Variants in SPPL2B observed in about 807,000 individuals in gnomAD.
The protein encoded by SPPL2B is signal peptide peptidase-like 2B.
A neutral mutation model predicts 59.7 loss-of-function variants in SPPL2B; 39 were observed. The ratio of observed to expected loss-of-function variants is 0.65; its 90% CI spans 0.51 to 0.85. SPPL2B has a LOEUF of 0.85. Ranked by LOEUF, SPPL2B falls within the 40% of genes least tolerant of loss-of-function variation. The pLI, the probability that SPPL2B is intolerant of heterozygous loss-of-function variation, is 0.00. For missense variants in SPPL2B, 865 were observed against 849.0 expected, an observed-to-expected ratio of 1.02 and a Z score of -0.23; for synonymous variants, 419 against 370.8, an observed-to-expected ratio of 1.13 and a Z score of -1.49.
chr19:2,335,086 C>T (rs943474766), intron 2 of SPPL2B, among the ~76,000 whole-genome samples: 18 of 152,150 alleles, frequency 1.2e-4, no homozygotes, highest in African/African-American at 1.9e-4. Context: ...TTCCTTTCAC[C>T]GTCTTCCTGA....
At position 2,339,100 on chromosome 19, in the gene SPPL2B, A is replaced by G; in HGVS notation, c.491A>G (p.Tyr164Cys). 6.4e-7 allele frequency: 1 copy of G among 1,571,624 alleles called. No homozygotes were observed. The highest frequency in any genetic ancestry group is 8.6e-7 in the Non-Finnish European group (1 of 1,158,702). Residue 164 changes from tyrosine to cysteine, a missense_variant, in exon 5 of 15, where the codon TAT (tyrosine) becomes TGT (cysteine). Transcript: ENST00000613503. ...RFGRTVRAALYAPKEPVLDYN... is the reference protein window; with the variant it reads ...RFGRTVRAALCAPKEPVLDYN... ...GGCCGCACGGTGAGGGCGGCGCTGT[A>G]TGCGCCTAAGGAGCCGGTGCTGGAC...
intron 8 of SPPL2B, chr19:2,341,303 G>A (rs147464402): frequency 0.019 from 11,622 of 606,866 alleles, 574 homozygotes; most frequent in Admixed American, 0.12. Context: ...TCCTTTGTGG[G>A]GCATCGCTGC....
chr19:2,333,917 G>A (rs1446651134), intron 1 of SPPL2B, among the ~76,000 whole-genome samples: 1 of 152,238 alleles, frequency 6.6e-6, no homozygotes, highest in Non-Finnish European at 1.5e-5. Flanking sequence ...TGTCCTGCTG[G>A]TGGCAGCGTG....
In SPPL2B at chr19:2,353,017, G is replaced by T; in HGVS notation, c.1587G>T (p.Thr529=). Residue 529 remains threonine (T), a synonymous_variant, in exon 15 of 15, where the codon ACG becomes ACT. Coordinates refer to ENST00000613503, the MANE Select transcript of SPPL2B (RefSeq NM_152988.3). The part of the protein sequence containing the change: ...DGPQPPKDSA[T]PLSPQPPSEE... ...CGCAGCCTCCCAAAGACTCTGCCAC[G>T]CCACTCTCCCCGCAGCCGCCCAGCG... 1 of 1,612,034 alleles carries T rather than the reference G, an allele frequency of 6.2e-7. No homozygotes were observed. The highest frequency in any genetic ancestry group is 8.5e-7 in the Non-Finnish European group (1 of 1,179,662).
rs749544966 is a variant in SPPL2B at position 2,334,663 on chromosome 19, A to T, written c.128A>T (p.Asp43Val). ...VSQAGGPEGK[D>V]YCILYNPQWA... ...CAGGCCGGGGGCCCCGAAGGCAAAG[A>T]CTACTGCATCCTCTACAACCCGCAG... is the stretch of plus-strand genomic sequence containing the variant. Residue 43 changes from aspartate to valine, a missense_variant, in exon 2 of 15, where the codon GAC becomes GTC. Transcript: ENST00000613503. 6.2e-7 allele frequency: 1 copy of T among 1,613,100 alleles called. No individual in the cohort carries two copies. Among genetic ancestry groups the T allele is most frequent in the South Asian group, 1.1e-5 (1 of 90,948 alleles).
At chr19:2,336,126 G>A (rs577983028) in intron 2 of SPPL2B, among the ~76,000 whole-genome samples, 23 of 152,338 alleles carry the variant, frequency 1.5e-4, no homozygotes, top group Non-Finnish European at 2.4e-4. Context: ...GCCTTAGTGC[G>A]TGTTTGTGTG....
At chr19:2,330,989 G>T (rs1968258362) in intron 1 of SPPL2B, among the ~76,000 whole-genome samples, 1 of 152,206 alleles carries the variant, frequency 6.6e-6, no homozygotes, top group African/African-American at 2.4e-5. Context: ...GAGTCCGATT[G>T]CCCAAGAATG....
At chr19:2,337,319 C>T (rs957896336) in intron 2 of SPPL2B, 124 bp from the exon 3 acceptor site, 8 of 929,288 alleles carry the variant, frequency 8.6e-6, no homozygotes, top group South Asian at 3.5e-5. Flanking sequence ...GGGCCGAGGC[C>T]GTGCGGGGCT....
Position 2,352,986 on chromosome 19 carries a change from A to G in SPPL2B, c.1556A>G (p.Asp519Gly), listed in dbSNP as rs1231255254. The G allele has an allele frequency of 6.2e-7, 1 of 1,611,926 alleles. No individual in the cohort carries two copies. Among genetic ancestry groups the G allele is most frequent in the Non-Finnish European group, 8.5e-7 (1 of 1,179,642 alleles). ...PPSPWAPAPA[D>G]GPQPPKDSAT... ...TCTCCGTGGGCCCCAGCACCAGCCG[A>G]CGGCCCGCAGCCTCCCAAAGACTCT... Residue 519 changes from aspartate to glycine, a missense_variant, in exon 15 of 15, where the codon GAC becomes GGC. By Grantham distance (94) the Asp-to-Gly change is moderately conservative. Transcript: ENST00000613503.
intron 12 of SPPL2B, 36 bp downstream of exon 12, chr19:2,344,688 T>C: frequency 7.2e-7 from 1 of 1,395,114 alleles, no homozygotes; most frequent in South Asian, 1.2e-5. Flanking sequence ...GTCCACGCTG[T>C]GGGGCAGGGC....
chr19:2,340,513 T>A (rs1424083311), intron 7 of SPPL2B: 1 of 593,068 alleles, frequency 1.7e-6, no homozygotes, highest in Non-Finnish European at 3.1e-6. Context: ...CTCTTAGGGG[T>A]AAAGGGAGCT....
rs1968445935 is a variant in SPPL2B, at chr19:2,334,457, C to T, written c.67-145C>T. On this transcript the variant is annotated intron_variant, in intron 1 of 14. Coordinates refer to ENST00000613503, the MANE Select transcript of SPPL2B (RefSeq NM_152988.3). ...ATGGTCACGTCCCTGTCTGTCCTGT[C>T]GAGAGGGGGAAGCATCCCAGACCAC... is the stretch of plus-strand genomic sequence containing the variant. The T allele has an allele frequency of 2.0e-5, 22 of 1,101,520 alleles. 1 individual carries two copies. The highest frequency in any genetic ancestry group is 6.4e-5 in the South Asian group (4 of 62,716). 68.2% of individuals were successfully genotyped at this position (1,101,520 alleles called of 1,614,324 possible). A position where few individuals can be genotyped will look rare whatever the true frequency, so the allele number is the denominator to read the frequency against.
Position 2,337,153 on chromosome 19 carries a change from G to A in SPPL2B, c.187-290G>A, listed in dbSNP as rs531246085. 58 of 324,146 alleles carry A rather than the reference G, an allele frequency of 1.8e-4. No homozygotes were observed. In the South Asian group the frequency reaches 4.3e-3, roughly 24 times the overall value. 20.1% of individuals were successfully genotyped at this position (324,146 alleles called of 1,614,324 possible). On this transcript the variant is annotated intron_variant, in intron 2 of 14. Coordinates refer to ENST00000613503, the MANE Select transcript of SPPL2B (RefSeq NM_152988.3). ...GTGGGGCTGCGGTGGGGACCCACTT[G>A]GTCTTGCTGAGTGATCTGTGACGGC...
Position 2,353,482 on chromosome 19 carries a change from G to C in SPPL2B, c.*273G>C, listed in dbSNP as rs1024433209. 2.0e-6 allele frequency: 1 copy of C among 500,774 alleles called. No homozygotes were observed. The highest frequency in any genetic ancestry group is 3.5e-6 in the Non-Finnish European group (1 of 283,738). 31.0% of individuals were successfully genotyped at this position (500,774 alleles called of 1,614,324 possible). A position where few individuals can be genotyped will look rare whatever the true frequency, so the allele number is the denominator to read the frequency against. ...ATCCTCCCCACCGGGGTCCGTCCTC[G>C]CAGGCCCTGCCCGGCCTCTCTGCAG... is the stretch of plus-strand genomic sequence containing the variant. On this transcript the variant is annotated 3_prime_UTR_variant, in exon 15 of 15. Coordinates refer to ENST00000613503, the MANE Select transcript of SPPL2B (RefSeq NM_152988.3).
rs1257818524 is a variant in SPPL2B, at chr19:2,334,666, A to C, written c.131A>C (p.Tyr44Ser). The change falls in exon 2 of 15, where the codon TAC (tyrosine) becomes TCC (serine). Residue 44 changes from tyrosine (Y) to serine (S), a missense_variant. Coordinates refer to ENST00000613503, the MANE Select transcript of SPPL2B (RefSeq NM_152988.3). ...SQAGGPEGKD[Y>S]CILYNPQWAH... ...GCCGGGGGCCCCGAAGGCAAAGACTACTGCATCCTCTACAACCCGCAGTGG... is the reference window on the plus strand; with the variant it reads ...GCCGGGGGCCCCGAAGGCAAAGACTCCTGCATCCTCTACAACCCGCAGTGG... 1 of 1,613,052 alleles carries C rather than the reference A, an allele frequency of 6.2e-7. No homozygotes were observed. Among genetic ancestry groups the C allele is most frequent in the African/African-American group, 1.3e-5 (1 of 75,022 alleles).
intron 1 of SPPL2B, 115 bp from the exon 2 acceptor site, chr19:2,334,487 T>G (rs997217722): frequency 7.1e-7 from 1 of 1,402,872 alleles, no homozygotes; most frequent in African/African-American, 1.4e-5. Context: ...GACCACCTGG[T>G]GAACATGGGC....
At position 2,332,024 on chromosome 19, in the gene SPPL2B, G is replaced by A. The variant is rs988442563; in HGVS notation, c.67-2578G>A. ...GGGCACCCTCCGGGCTCGGCACCGG[G>A]GCCAGACTAAGGGGTGCTCTCACGG... On this transcript the variant is annotated intron_variant, in intron 1 of 14. Transcript: ENST00000613503. The surrounding 1 kb of genome is among the most constrained non-coding windows in gnomAD (Gnocchi z 4.6). Among the ~76,000 whole-genome samples the A allele has an allele frequency of 6.6e-6, 1 of 152,272 alleles. No homozygotes were observed. The highest frequency in any genetic ancestry group is 1.5e-5 in the Non-Finnish European group (1 of 68,052).
At chr19:2,334,867 A>C (rs12610690) in intron 2 of SPPL2B, 146 bp downstream of exon 2, 123,159 of 1,108,214 alleles carry the variant, frequency 0.11, 7,454 homozygotes, top group Middle Eastern at 0.17. Flanking sequence ...GCTGGCCCCC[A>C]GTTCCCCTGG....
rs111785886 is a variant in SPPL2B at position 2,353,277 on chromosome 19, GAGAC to G, written c.*81_*84del. 0.015 allele frequency: 22,629 copies of G among 1,514,278 alleles called. 365 individuals are homozygous for G. Among genetic ancestry groups the G allele is most frequent in the African/African-American group, 0.078 (5,609 of 71,942 alleles). 93.8% of individuals were successfully genotyped at this position (1,514,278 alleles called of 1,614,324 possible). On this transcript the variant is annotated 3_prime_UTR_variant, in exon 15 of 15. Transcript: ENST00000613503. Reference sequence around the variant, plus strand: ...TGTTGGGGCTGCCTGGCGCCCACTGGAGACAGACAGACAGACGCCTGTCCCCCGG... The same window carrying G: ...TGTTGGGGCTGCCTGGCGCCCACTGGAGACAGACAGACGCCTGTCCCCCGG...
Sources: allele counts gnomAD v4.1 joint callset (sites outside exome capture counted in the v4.1 genomes callset), GRCh38; gene constraint gnomAD v4.1.1; non-coding constraint Gnocchi (gnomAD v3.1); transcripts MANE v1.5; gene names NCBI Gene and HGNC (gene_info 2026-07-23, HGNC 2026-07-21).